Variants in AGBL1 observed in about 807,000 individuals in gnomAD.
AGBL1 encodes cytosolic carboxypeptidase 4.
In AGBL1, 130 loss-of-function variants were observed where a neutral mutation model predicts 118.9. The observed-to-expected ratio is 1.09, with a 90% CI of 0.95 to 1.26. The LOEUF is 1.26. Ranked by LOEUF, AGBL1 falls within the 50% of genes most tolerant of loss-of-function variation. AGBL1 has a pLI of 0.00. For missense variants in AGBL1, 1,584 were observed against 1,298.1 expected, an observed-to-expected ratio of 1.22 and a Z score of -3.38; for synonymous variants, 555 against 478.9, an observed-to-expected ratio of 1.16 and a Z score of -2.08.
intron 22 of AGBL1, among the ~76,000 whole-genome samples, chr15:86,726,284 G>A (rs1413940686): frequency 1.3e-5 from 2 of 152,102 alleles, no homozygotes; most frequent in African/African-American, 2.4e-5. Context: ...GCAAGATCTG[G>A]AAAAGGCAGT....
intron 14 of AGBL1, 40 bp from the exon 15 acceptor site, chr15:86,271,579 T>A: frequency 6.6e-7 from 1 of 1,517,766 alleles, no homozygotes; most frequent in Non-Finnish European, 9.2e-7. Flanking sequence ...AGAACAACTC[T>A]CTTTCCCTCA....
At chr15:86,176,898 C>T (rs2077489802) in intron 5 of AGBL1, among the ~76,000 whole-genome samples, 1 of 152,118 alleles carries the variant, frequency 6.6e-6, no homozygotes, top group Admixed American at 6.5e-5. Context: ...ATCCTTTGCT[C>T]ACCTTTTCCC....
chr15:86,950,470 AAG>A (rs1402571789), intron 23 of AGBL1, among the ~76,000 whole-genome samples: 1 of 151,010 alleles, frequency 6.6e-6, no homozygotes, highest in Admixed American at 6.6e-5. Context: ...GAAAATAAGA[AAG>A]AAGATTTCAT....
intron 22 of AGBL1, among the ~76,000 whole-genome samples, chr15:86,796,964 G>A (rs2078581333): frequency 6.6e-6 from 1 of 152,168 alleles, no homozygotes; most frequent in African/African-American, 2.4e-5. Context: ...TCCAAGAGGT[G>A]GTGCAGTTGT....
intron 21 of AGBL1, among the ~76,000 whole-genome samples, chr15:86,639,137 C>T (rs755547694): frequency 1.5e-4 from 23 of 152,258 alleles, no homozygotes; most frequent in South Asian, 6.2e-4. Flanking sequence ...ATTGACATCT[C>T]GCCACCTTTA....
At chr15:86,124,214 C>T (rs891559419) in intron 1 of AGBL1, among the ~76,000 whole-genome samples, 1 of 151,582 alleles carries the variant, frequency 6.6e-6, no homozygotes, top group Non-Finnish European at 1.5e-5. Context: ...CCTGTAGTCC[C>T]AGCTACTCAG....
At chr15:86,298,259 A>ATATATATATATATATATATATGGTACC (rs2079682199) in intron 17 of AGBL1, among the ~76,000 whole-genome samples, 1 of 96,088 alleles carries the variant, frequency 1.0e-5, no homozygotes, top group Non-Finnish European at 2.0e-5. Context: ...ATATATATAT[A>ATATATATATATATATATATATGGTACC]TATATATATA....
At chr15:86,717,746 A>G (rs575820270) in intron 22 of AGBL1, among the ~76,000 whole-genome samples, 1 of 152,284 alleles carries the variant, frequency 6.6e-6, no homozygotes, top group East Asian at 1.9e-4. Flanking sequence ...GGATTATAGT[A>G]TCACAGCCAT....
intron 18 of AGBL1, among the ~76,000 whole-genome samples, chr15:86,514,199 A>G (rs1364979295): frequency 6.6e-6 from 1 of 151,958 alleles, no homozygotes; most frequent in Non-Finnish European, 1.5e-5. Flanking sequence ...TAAATTTAAA[A>G]TCATGAGTTT....
intron 21 of AGBL1, among the ~76,000 whole-genome samples, chr15:86,665,702 T>A (rs1027292513): frequency 6.6e-6 from 1 of 152,112 alleles, no homozygotes; most frequent in Non-Finnish European, 1.5e-5. Flanking sequence ...GATAAAACAT[T>A]AATGTATTCT....
intron 20 of AGBL1, among the ~76,000 whole-genome samples, chr15:86,549,689 A>G (rs1360359170): frequency 2.0e-5 from 3 of 152,096 alleles, no homozygotes. Flanking sequence ...TGTTGGATTC[A>G]TAATTATTTC....
intron 10 of AGBL1, 109 bp from the exon 11 acceptor site, chr15:86,264,149 C>A: frequency 1.1e-6 from 1 of 937,758 alleles, no homozygotes; most frequent in South Asian, 1.8e-5. Context: ...CTTCCACATT[C>A]ACAGGATTTA....
intron 21 of AGBL1, among the ~76,000 whole-genome samples, chr15:86,612,440 G>C (rs571385963): frequency 6.8e-6 from 1 of 146,920 alleles, no homozygotes; most frequent in South Asian, 2.3e-4. Context: ...ATGGGGTCGG[G>C]GGAGGGGAAG....
chr15:86,512,549 G>C (rs777450599), intron 18 of AGBL1, among the ~76,000 whole-genome samples: 2 of 151,576 alleles, frequency 1.3e-5, no homozygotes. Flanking sequence ...GATTTCCAAT[G>C]AGTTTCTTTT....
intron 22 of AGBL1, among the ~76,000 whole-genome samples, chr15:86,676,882 C>T (rs1281618776): frequency 6.6e-6 from 1 of 152,048 alleles, no homozygotes; most frequent in Non-Finnish European, 1.5e-5. Context: ...GCGGGTGGAT[C>T]ACGAGGTCAG....
At chr15:86,980,408 C>T (rs548541481) in intron 23 of AGBL1, among the ~76,000 whole-genome samples, 85 of 152,162 alleles carry the variant, frequency 5.6e-4, no homozygotes, top group Non-Finnish European at 9.7e-4. Flanking sequence ...ATATCAATGT[C>T]AGAGTCAGAT....
At chr15:86,594,991 A>C (rs1478521434) in intron 21 of AGBL1, among the ~76,000 whole-genome samples, 1 of 152,156 alleles carries the variant, frequency 6.6e-6, no homozygotes, top group African/African-American at 2.4e-5. Flanking sequence ...GCATTTGACT[A>C]AGTTGGTCAC....
chr15:86,279,735 T>G lies in AGBL1; in HGVS notation c.2172T>G (p.Asp724Glu), dbSNP rs1366451275. 1.2e-6 allele frequency: 2 copies of G among 1,613,888 alleles called. No individual in the cohort carries two copies. The highest frequency in any genetic ancestry group is 1.3e-5 in the African/African-American group (1 of 75,040). Residue 724 changes from aspartate (D) to glutamate (E), a missense_variant, in exon 16 of 23, where the codon GAT (aspartate) becomes GAG (glutamate). Physicochemically the swap from Asp to Glu is conservative, Grantham distance 45 (BLOSUM62 2). Coordinates refer to ENST00000614907, the MANE Select transcript of AGBL1 (RefSeq NM_001386094.1). ...TFAVTFPHSEDVCYLAYHYPY... is the reference protein window; with the variant it reads ...TFAVTFPHSEEVCYLAYHYPY... ...CTGTCACCTTCCCACACAGTGAGGATGTCTGCTACCTGGCCTACCACTATC... is the reference window on the plus strand; with the variant it reads ...CTGTCACCTTCCCACACAGTGAGGAGGTCTGCTACCTGGCCTACCACTATC...
At chr15:87,021,195 C>G (rs143183732) in intron 24 of AGBL1, among the ~76,000 whole-genome samples, 3 of 152,070 alleles carry the variant, frequency 2.0e-5, no homozygotes, top group African/African-American at 7.2e-5. Context: ...GAAATAAGAC[C>G]TACAACCATC....
Sources: gnomAD v4.1 joint callset for allele counts (sites outside exome capture counted in the v4.1 genomes callset) on GRCh38, gnomAD v4.1.1 for gene constraint, MANE v1.5 for transcripts, NCBI Gene and HGNC (gene_info 2026-07-23, HGNC 2026-07-21) for gene names.